MACROD2: variants seen among roughly 807,000 people sequenced by gnomAD.
MACROD2 encodes the protein mono-ADP ribosylhydrolase 2.
Under a neutral mutation model 70.4 loss-of-function variants are expected in MACROD2, and 36 were observed. The observed-to-expected ratio is 0.51, with a 90% confidence interval of 0.39 to 0.68. The LOEUF (loss-of-function observed/expected upper bound fraction) is 0.68. Ranked by LOEUF, MACROD2 falls within the 30% of genes least tolerant of loss-of-function variation. MACROD2 has a pLI of 0.00. For synonymous variants in MACROD2, 172 were observed against 178.8 expected, an observed-to-expected ratio of 0.96 and a Z score of 0.30; for missense variants, 496 against 538.4, an observed-to-expected ratio of 0.92 and a Z score of 0.78.
intron 6 of MACROD2, among the ~76,000 whole-genome samples, chr20:15,394,132 C>A (rs1405013923): frequency 6.6e-6 from 1 of 152,138 alleles, no homozygotes; most frequent in Non-Finnish European, 1.5e-5. Flanking sequence ...GCAAGATGGA[C>A]AATGTCAAAT....
intron 5 of MACROD2, among the ~76,000 whole-genome samples, chr20:15,021,248 ATGT>A (rs2075176918): frequency 1.9e-5 from 1 of 53,326 alleles, no homozygotes; most frequent in Admixed American, 1.6e-4. Context: ...ACCTGTGTGT[ATGT>A]ATACACACAC....
intron 5 of MACROD2, among the ~76,000 whole-genome samples, chr20:15,099,902 ATGT>A (rs897566706): frequency 2.1e-4 from 32 of 152,020 alleles, no homozygotes; most frequent in African/African-American, 6.0e-4. Flanking sequence ...AATGAGAAAC[ATGT>A]TGTTGGAAAC....
chr20:14,197,011 G>A (rs1195422227), intron 3 of MACROD2, among the ~76,000 whole-genome samples: 1 of 152,178 alleles, frequency 6.6e-6, no homozygotes, highest in Non-Finnish European at 1.5e-5. Context: ...TGTACACACG[G>A]CATATTAGTA....
intron 3 of MACROD2, among the ~76,000 whole-genome samples, chr20:14,299,866 A>C (rs938278840): frequency 1.3e-5 from 2 of 152,190 alleles, no homozygotes; most frequent in Non-Finnish European, 2.9e-5. Flanking sequence ...ATACAGAGAA[A>C]GACCAGTTAA....
chr20:14,529,431 A>G (rs1418143995), intron 4 of MACROD2, among the ~76,000 whole-genome samples: 2 of 152,188 alleles, frequency 1.3e-5, no homozygotes, highest in African/African-American at 2.4e-5. Context: ...CGACTCCTAG[A>G]CTACCTCATT....
chr20:14,564,445 G>C (rs1337419842), intron 4 of MACROD2, among the ~76,000 whole-genome samples: 1 of 151,714 alleles, frequency 6.6e-6, no homozygotes, highest in East Asian at 1.9e-4. Context: ...TGCAAACAAT[G>C]CATCTGGACA....
chr20:15,140,848 T>C (rs1036211948), intron 5 of MACROD2, among the ~76,000 whole-genome samples: 3 of 152,162 alleles, frequency 2.0e-5, no homozygotes, highest in African/African-American at 7.2e-5. Flanking sequence ...CCCTCATTAA[T>C]CATAAGTCAG....
intron 5 of MACROD2, among the ~76,000 whole-genome samples, chr20:14,743,058 G>A (rs919156827): frequency 2.0e-5 from 3 of 152,064 alleles, no homozygotes; most frequent in Non-Finnish European, 4.4e-5. Context: ...GAGCCACCGC[G>A]CCCGGCCTAT....
chr20:14,739,512 C>T (rs2071708131), intron 5 of MACROD2, among the ~76,000 whole-genome samples: 1 of 150,192 alleles, frequency 6.7e-6, no homozygotes, highest in Non-Finnish European at 1.5e-5. Flanking sequence ...ACTGTCTACA[C>T]TTTGTTTATA....
intron 6 of MACROD2, among the ~76,000 whole-genome samples, chr20:15,366,823 T>C (rs1405807356): frequency 6.6e-6 from 1 of 151,958 alleles, no homozygotes; most frequent in African/African-American, 2.4e-5. Flanking sequence ...CACCTCCCAG[T>C]GTGCTGACAT....
At chr20:15,376,728 G>A (rs551371457) in intron 6 of MACROD2, among the ~76,000 whole-genome samples, 44 of 152,166 alleles carry the variant, frequency 2.9e-4, no homozygotes, top group African/African-American at 8.4e-4. Context: ...CCTGTTTTAC[G>A]GATGAAGAAA....
chr20:15,312,664 A>T (rs911565594), intron 6 of MACROD2, among the ~76,000 whole-genome samples: 1 of 152,214 alleles, frequency 6.6e-6, no homozygotes, highest in Non-Finnish European at 1.5e-5. Context: ...ATGTTTATAT[A>T]AAAACATAGC....
chr20:14,846,007 T>C (rs1381522640), intron 5 of MACROD2, among the ~76,000 whole-genome samples: 1 of 152,112 alleles, frequency 6.6e-6, no homozygotes, highest in Non-Finnish European at 1.5e-5. Context: ...CACTTGAGTA[T>C]TTTTTTAATT....
At chr20:14,893,195 C>A (rs912999401) in intron 5 of MACROD2, 1 of 152,030 alleles carries the variant, frequency 6.6e-6, no homozygotes, top group Non-Finnish European at 1.5e-5. Flanking sequence ...ATCCATTTAT[C>A]TTTTGATGAA....
chr20:16,041,160 A>C, intron 15 of MACROD2, 41 bp from the exon 16 acceptor site: 2 of 1,554,120 alleles, frequency 1.3e-6, no homozygotes, highest in Non-Finnish European at 1.8e-6. Flanking sequence ...GGCTGTTATA[A>C]TTCTCTATTC....
intron 8 of MACROD2, among the ~76,000 whole-genome samples, chr20:15,533,246 A>G (rs1447416952): frequency 6.6e-6 from 1 of 152,216 alleles, no homozygotes. Flanking sequence ...CCAGAATAAA[A>G]TGGTATTTTC....
At chr20:15,666,267 C>T (rs1026703038) in intron 8 of MACROD2, among the ~76,000 whole-genome samples, 11 of 152,252 alleles carry the variant, frequency 7.2e-5, no homozygotes, top group African/African-American at 2.2e-4. Flanking sequence ...CCCAACCCTC[C>T]GGCAACTCTA....
rs6034312 is a variant in MACROD2 at position 15,871,277 on chromosome 20, G to A, written c.727+8451G>A. ...CACAAAACTTTAAAATTTTACCCAG[G>A]CAGTATTTAAATTTTTTCCTGGATT... is the stretch of plus-strand genomic sequence containing the variant. On this transcript the variant is annotated intron_variant, in intron 9 of 17. Coordinates refer to ENST00000684519, the MANE Select transcript of MACROD2 (RefSeq NM_001351661.2). 9.5e-3 allele frequency among the ~76,000 whole-genome samples: 1,448 copies of A among 151,884 alleles called. 32 individuals carry two copies. The highest frequency in any genetic ancestry group is 0.033 in the African/African-American group (1,379 of 41,412).
At chr20:14,008,820 A>G (rs541127123) in intron 2 of MACROD2, among the ~76,000 whole-genome samples, 35 of 150,926 alleles carry the variant, frequency 2.3e-4, no homozygotes, top group Non-Finnish European at 3.7e-4. Flanking sequence ...CTGCACACCT[A>G]CAACCATGTG....
Sources: gnomAD v4.1 joint callset for allele counts (sites outside exome capture counted in the v4.1 genomes callset) on GRCh38, gnomAD v4.1.1 for gene constraint, MANE v1.5 for transcripts, NCBI Gene and HGNC (gene_info 2026-07-23, HGNC 2026-07-21) for gene names.